Variants in TMEM233 observed in about 807,000 individuals in gnomAD.
The protein encoded by TMEM233 is transmembrane protein 233.
A neutral mutation model predicts 11.2 loss-of-function variants in TMEM233; 6 were observed. That is an observed-to-expected ratio of 0.54 (90% CI 0.29 to 1.06). TMEM233 has a LOEUF of 1.06. TMEM233 is among the 50% of genes least tolerant of loss of function. The pLI is 0.08. For synonymous variants in TMEM233, 59 were observed against 55.8 expected (o/e 1.06, Z -0.26); for missense variants, 127 against 144.7 (o/e 0.88, Z 0.63).
Position 119,606,187 on chromosome 12 carries a change from T to G in TMEM233, c.186+12153T>G, listed in dbSNP as rs553788525. Among the ~76,000 whole-genome samples the G allele has an allele frequency of 2.3e-3, 346 of 152,318 alleles. 1 individual carries two copies. The highest frequency in any genetic ancestry group is 7.6e-3 in the African/African-American group (317 of 41,576). On this transcript the variant is annotated intron_variant, in intron 1 of 2. Coordinates refer to ENST00000426426, the MANE Select transcript of TMEM233 (RefSeq NM_001136534.3). ...GCCTGCTATCTAGGAGTTTGGAATT[T>G]AAAACAATATTGATCTACTTAAAAA...
intron 1 of TMEM233, among the ~76,000 whole-genome samples, chr12:119,611,618 G>T (rs1412086024): frequency 6.6e-6 from 1 of 151,962 alleles, no homozygotes; most frequent in Admixed American, 6.5e-5. Context: ...TCTCCTTTTT[G>T]TGGGTTTTCT....
intron 1 of TMEM233, among the ~76,000 whole-genome samples, chr12:119,626,552 AAGAGAAG>A (rs1954769242): frequency 9.4e-6 from 1 of 106,928 alleles, no homozygotes; most frequent in African/African-American, 3.4e-5. Context: ...AAGAGAAGAG[AAGAGAAG>A]AGAAGAGAAG....
downstream of TMEM233, among the ~76,000 whole-genome samples, chr12:119,647,987 C>T: frequency 6.6e-6 from 1 of 152,186 alleles, no homozygotes; most frequent in East Asian, 1.9e-4. Flanking sequence ...GCTGCAGCCA[C>T]ACACTGGCCC....
the TMEM233 span, among the ~76,000 whole-genome samples, chr12:119,652,653 G>A: frequency 6.6e-6 from 1 of 152,122 alleles, no homozygotes; most frequent in African/African-American, 2.4e-5. Context: ...AAATGATAGA[G>A]CCACAGAAAA....
At chr12:119,628,691 G>A (rs184822874) in intron 1 of TMEM233, among the ~76,000 whole-genome samples, 11 of 149,216 alleles carry the variant, frequency 7.4e-5, no homozygotes, top group East Asian at 6.1e-4. Flanking sequence ...TAGTAGAGAC[G>A]GGGTTTCACT....
At chr12:119,622,091 A>G (rs1954654841) in intron 1 of TMEM233, among the ~76,000 whole-genome samples, 1 of 152,232 alleles carries the variant, frequency 6.6e-6, no homozygotes, top group Non-Finnish European at 1.5e-5. Flanking sequence ...AGGGATCAGG[A>G]CTAGACAGAC....
Position 119,595,784 on chromosome 12 carries a change from G to A in TMEM233, c.186+1750G>A, listed in dbSNP as rs1014606183. On this transcript the variant is annotated intron_variant, in intron 1 of 2. Transcript: ENST00000426426. This position sits in a 1 kb window ranked among gnomAD's most constrained non-coding sequence, Gnocchi z 4.3. ...CAGGACCCCCATCCACCCACCCCGC[G>A]CAAGCTCTGTTCTTCCTTCCCTGCT... Among the ~76,000 whole-genome samples the A allele has an allele frequency of 9.2e-5, 14 of 152,146 alleles. No homozygotes were observed. The highest frequency in any genetic ancestry group is 2.9e-4 in the African/African-American group (12 of 41,448).
At chr12:119,644,672 T>C (rs541130803), downstream of TMEM233, among the ~76,000 whole-genome samples, 1 of 152,030 alleles carries the variant, frequency 6.6e-6, no homozygotes, top group Non-Finnish European at 1.5e-5. Flanking sequence ...AGAGACTGGG[T>C]TTCACCATGT....
At chr12:119,604,769 A>G (rs969278432) in intron 1 of TMEM233, among the ~76,000 whole-genome samples, 26 of 152,176 alleles carry the variant, frequency 1.7e-4, no homozygotes, top group African/African-American at 6.0e-4. Flanking sequence ...AAGTGCTGGA[A>G]TTACAGACAT....
At chr12:119,616,634 T>C (rs1229837118) in intron 1 of TMEM233, among the ~76,000 whole-genome samples, 4 of 152,176 alleles carry the variant, frequency 2.6e-5, no homozygotes, top group Admixed American at 2.0e-4. Context: ...TGTTTCCTGA[T>C]TGTAGTCATG....
At chr12:119,650,691 G>A in the TMEM233 span, among the ~76,000 whole-genome samples, 17 of 152,338 alleles carry the variant, frequency 1.1e-4, no homozygotes, top group East Asian at 2.9e-3. Flanking sequence ...TGCCCAGGCT[G>A]GGGTGCAGTG....
chr12:119,604,268 G>A (rs191956683), intron 1 of TMEM233, among the ~76,000 whole-genome samples: 36 of 152,328 alleles, frequency 2.4e-4, no homozygotes, highest in Admixed American at 1.9e-3. Context: ...ACAGGTGCAG[G>A]AGAGGATTAA....
chr12:119,610,215 C>G (rs1265981439), intron 1 of TMEM233, among the ~76,000 whole-genome samples: 3 of 152,186 alleles, frequency 2.0e-5, no homozygotes, highest in Non-Finnish European at 4.4e-5. Context: ...GTCAATTTCT[C>G]CCATTTAGAA....
At chr12:119,609,038 T>A (rs1954341263) in intron 1 of TMEM233, among the ~76,000 whole-genome samples, 1 of 152,162 alleles carries the variant, frequency 6.6e-6, no homozygotes, top group Non-Finnish European at 1.5e-5. Flanking sequence ...TGGAACAGTT[T>A]GGAGGTCTCA....
intron 1 of TMEM233, among the ~76,000 whole-genome samples, chr12:119,606,876 C>T (rs1456889887): frequency 6.6e-6 from 1 of 152,006 alleles, no homozygotes; most frequent in Non-Finnish European, 1.5e-5. Context: ...ATTGGCAAAC[C>T]AAATAATAAT....
chr12:119,628,155 ATTTTT>A (rs202093884), intron 1 of TMEM233, among the ~76,000 whole-genome samples: 2 of 150,366 alleles, frequency 1.3e-5, no homozygotes, highest in African/African-American at 4.9e-5. Context: ...TTTATATTTT[ATTTTT>A]TTTATTTTTA....
At chr12:119,645,585 C>T (rs890004920), downstream of TMEM233, among the ~76,000 whole-genome samples, 15 of 152,274 alleles carry the variant, frequency 9.9e-5, no homozygotes, top group African/African-American at 3.1e-4. Context: ...TCATTCATTC[C>T]AGTAGACATC....
chr12:119,594,088 A>G lies in TMEM233; in HGVS notation c.186+54A>G. On this transcript the variant is annotated intron_variant, in intron 1 of 2. Coordinates refer to ENST00000426426, the MANE Select transcript of TMEM233 (RefSeq NM_001136534.3). This position sits in a 1 kb window ranked among gnomAD's most constrained non-coding sequence, Gnocchi z 5.6. ...GGGAGGAGAGACCCGGGCGGCTTTG[A>G]GCCCCTGCAGGGGAGTCCGCGCGCT... 1 of 1,532,250 alleles carries G rather than the reference A, an allele frequency of 6.5e-7. No homozygotes were observed. Among genetic ancestry groups the G allele is most frequent in the African/African-American group, 1.4e-5 (1 of 72,802 alleles). The allele number at this position is 1,532,250 out of a possible 1,614,324, so 94.9% of individuals were successfully genotyped here. A position where few individuals can be genotyped will look rare whatever the true frequency, so the allele number is the denominator to read the frequency against.
chr12:119,644,896 T>C (rs1319469400), downstream of TMEM233, among the ~76,000 whole-genome samples: 1 of 152,174 alleles, frequency 6.6e-6, no homozygotes, highest in Non-Finnish European at 1.5e-5. Flanking sequence ...AATTCCAGAA[T>C]GTTTAAGAGA....
Sources: gnomAD v4.1 joint callset for allele counts (sites outside exome capture counted in the v4.1 genomes callset) on GRCh38, gnomAD v4.1.1 for gene constraint, Gnocchi (gnomAD v3.1) non-coding constraint, MANE v1.5 for transcripts, NCBI Gene and HGNC (gene_info 2026-07-23, HGNC 2026-07-21) for gene names.